Variants in NEUROD2 observed in about 807,000 individuals in gnomAD.
The protein encoded by NEUROD2 is neurogenic differentiation factor 2.
NEUROD2 carries 5 observed loss-of-function variants against 9.3 expected under a neutral mutation model. The observed-to-expected ratio is 0.54, with a 90% CI of 0.28 to 1.13. The LOEUF is 1.13. NEUROD2 is among the 50% of genes most tolerant of loss of function. NEUROD2 has a pLI of 0.10. For missense variants in NEUROD2, 376 were observed against 549.2 expected (o/e 0.68, Z 3.15); for synonymous variants, 277 against 257.3 (o/e 1.08, Z -0.73).
Position 39,606,521 on chromosome 17 carries a change from C to A in NEUROD2, c.79G>T (p.Asp27Tyr). 3.8e-6 allele frequency: 6 copies of A among 1,567,712 alleles called. No homozygotes were observed. The highest frequency in any genetic ancestry group is 5.1e-6 in the Non-Finnish European group (6 of 1,166,162). Reference sequence around the variant, plus strand: ...TCGCCCTTGTCGCTCCTCGGCTCGTCGTCTTCGCCGTCGCCCCAGCTGGCG... The same window carrying A: ...TCGCCCTTGTCGCTCCTCGGCTCGTAGTCTTCGCCGTCGCCCCAGCTGGCG... The part of the protein sequence containing the change: ...KFASWGDGED[D>Y]EPRSDKGDAP... Residue 27 changes from aspartate (D) to tyrosine (Y), a missense_variant, in exon 2 of 2, where the codon GAC (aspartate) becomes TAC (tyrosine). Transcript: ENST00000302584. The surrounding 1 kb of genome is among the most constrained non-coding windows in gnomAD (Gnocchi z 7.8).
Position 39,605,684 on chromosome 17 carries a change from T to C in NEUROD2, c.916A>G (p.Asn306Asp), listed in dbSNP as rs1228424375. 1 of 1,610,692 alleles carries C rather than the reference T, an allele frequency of 6.2e-7. No individual in the cohort carries two copies. Among genetic ancestry groups the C allele is most frequent in the Middle Eastern group, 1.7e-4 (1 of 6,056 alleles). ...TCCTGCTTGAGTGAGAAGTTGCCATTGAGACAGAGCGGGGGGCTGAGCGGG... is the reference window on the plus strand; with the variant it reads ...TCCTGCTTGAGTGAGAAGTTGCCATCGAGACAGAGCGGGGGGCTGAGCGGG... ...EGPLSPPLCL[N>D]GNFSLKQDSS... Residue 306 changes from asparagine to aspartate, a missense_variant, in exon 2 of 2, where the codon AAT becomes GAT. By Grantham distance (23) the Asn-to-Asp change is conservative (BLOSUM62 1). This residue lies in a region of NEUROD2 where 193 missense variants were observed against 255.8 expected (regional missense o/e 0.75). Transcript: ENST00000302584. This position sits in a 1 kb window ranked among gnomAD's most constrained non-coding sequence, Gnocchi z 6.8.
In NEUROD2 at chr17:39,605,376, G is replaced by A. The variant is rs1463337050; in HGVS notation, c.*75C>T. 2.8e-6 allele frequency: 4 copies of A among 1,453,596 alleles called. No individual in the cohort carries two copies. The African/African-American group carries it at 5.7e-5, about 21-fold the overall frequency. The allele number at this position is 1,453,596 out of a possible 1,614,324, so 90.0% of individuals were successfully genotyped here. A position where few individuals can be genotyped will look rare whatever the true frequency, so the allele number is the denominator to read the frequency against. The stretch of plus-strand genomic sequence containing the variant: ...CCCGGCGCCGGGGTAGGATGGGGGT[G>A]TCCCTGCGCTCTGGGGGCTGGGGAC... On this transcript the variant is annotated 3_prime_UTR_variant, in exon 2 of 2. Transcript: ENST00000302584. The surrounding 1 kb of genome is among the most constrained non-coding windows in gnomAD (Gnocchi z 6.8).
In NEUROD2 at chr17:39,605,253, TCCCCTGGGGGAAGCGAGG is replaced by T; in HGVS notation, c.*180_*197del. ...ACCCCTTGGGGAGAGAGAAGGCGAG[TCCCCTGGGGGAAGCGAGG>T]CCCCTGGGACAGGCCACCCACAGGT... is the stretch of plus-strand genomic sequence containing the variant. On this transcript the variant is annotated 3_prime_UTR_variant, in exon 2 of 2. Coordinates refer to ENST00000302584, the MANE Select transcript of NEUROD2 (RefSeq NM_006160.4). This position sits in a 1 kb window ranked among gnomAD's most constrained non-coding sequence, Gnocchi z 6.8. 2 of 580,734 alleles carry T rather than the reference TCCCCTGGGGGAAGCGAGG, an allele frequency of 3.4e-6. No individual in the cohort carries two copies. 36.0% of individuals were successfully genotyped at this position (580,734 alleles called of 1,614,324 possible).
In NEUROD2 at chr17:39,605,517, G is replaced by A. The variant is rs1448314704; in HGVS notation, c.1083C>T (p.Tyr361=). ...CCCGGTCGTGGTGAAGGTGCATATC[G>A]TAAGACAAGAGATTCTCCGAGTGGA... The part of the protein sequence containing the change: ...GGVHSENLLS[Y]DMHLHHDRGP... Residue 361 remains tyrosine (Y), a synonymous_variant, in exon 2 of 2, where the codon TAC becomes TAT. Transcript: ENST00000302584. This position sits in a 1 kb window ranked among gnomAD's most constrained non-coding sequence, Gnocchi z 6.8. 52 of 1,613,068 alleles carry A rather than the reference G, an allele frequency of 3.2e-5. No individual in the cohort carries two copies. The highest frequency in any genetic ancestry group is 4.2e-5 in the Non-Finnish European group (49 of 1,179,628).
chr17:39,606,242 T>C lies in NEUROD2; in HGVS notation c.358A>G (p.Lys120Glu). The C allele has an allele frequency of 6.2e-7, 1 of 1,611,232 alleles. No homozygotes were observed. The highest frequency in any genetic ancestry group is 8.5e-7 in the Non-Finnish European group (1 of 1,179,750). The change falls in exon 2 of 2, where the codon AAG (lysine) becomes GAG (glutamate). Residue 120 changes from lysine to glutamate, a missense_variant. Coordinates refer to ENST00000302584, the MANE Select transcript of NEUROD2 (RefSeq NM_006160.4). The surrounding 1 kb of genome is among the most constrained non-coding windows in gnomAD (Gnocchi z 7.8). The part of the protein sequence containing the change: ...KMTKARLERS[K>E]LRRQKANARE... Reference sequence around the variant, plus strand: ...GCGTTCGCCTTCTGCCGCCGAAGCTTGGAGCGCTCCAAGCGCGCCTTGGTC... The same window carrying C: ...GCGTTCGCCTTCTGCCGCCGAAGCTCGGAGCGCTCCAAGCGCGCCTTGGTC...
chr17:39,606,656 G>C lies in NEUROD2; in HGVS notation c.-5-52C>G. 1.4e-6 allele frequency: 2 copies of C among 1,455,072 alleles called. No homozygotes were observed. Among genetic ancestry groups the C allele is most frequent in the Non-Finnish European group, 1.8e-6 (2 of 1,107,988 alleles). The allele number at this position is 1,455,072 out of a possible 1,614,324, so 90.1% of individuals were successfully genotyped here. ...GGAGACAGACAGCACAAAGTGAGGG[G>C]CGCGCTGGGGTACCGACGCCCCCCC... On this transcript the variant is annotated intron_variant, in intron 1 of 1. Transcript: ENST00000302584. The surrounding 1 kb of genome is among the most constrained non-coding windows in gnomAD (Gnocchi z 7.8).
At position 39,606,809 on chromosome 17, in the gene NEUROD2, C is replaced by A; in HGVS notation, c.-5-205G>T. The A allele has an allele frequency of 1.9e-6, 1 of 522,344 alleles. No homozygotes were observed. Among genetic ancestry groups the A allele is most frequent in the Non-Finnish European group, 3.3e-6 (1 of 305,054 alleles). 32.4% of individuals were successfully genotyped at this position (522,344 alleles called of 1,614,324 possible). A position where few individuals can be genotyped will look rare whatever the true frequency, so the allele number is the denominator to read the frequency against. On this transcript the variant is annotated intron_variant, in intron 1 of 1. Transcript: ENST00000302584. This position sits in a 1 kb window ranked among gnomAD's most constrained non-coding sequence, Gnocchi z 7.8. ...CGGCTGCCGGCCTGGGATCTCGGCC[C>A]AGGCCCTCTCCCCGGCGCTGGGCCC...
chr17:39,607,388 C>T lies in NEUROD2; in HGVS notation c.-6+340G>A, dbSNP rs142654662. 1,147 of 156,258 alleles carry T rather than the reference C, an allele frequency of 7.3e-3. 8 individuals are homozygous for T. The highest frequency in any genetic ancestry group is 0.012 in the Non-Finnish European group (884 of 71,646). The allele number at this position is 156,258 out of a possible 1,614,324, so 9.7% of individuals were successfully genotyped here. A position where few individuals can be genotyped will look rare whatever the true frequency, so the allele number is the denominator to read the frequency against. ...TTTTGGGATTGATGGGGGAAAAATCCAAATTTGTTTGTTTGCTTCCCTTTT... is the reference window on the plus strand; with the variant it reads ...TTTTGGGATTGATGGGGGAAAAATCTAAATTTGTTTGTTTGCTTCCCTTTT... On this transcript the variant is annotated intron_variant, in intron 1 of 1. Coordinates refer to ENST00000302584, the MANE Select transcript of NEUROD2 (RefSeq NM_006160.4).
rs2144811908 is a variant in NEUROD2 at position 39,605,835 on chromosome 17, G to T, written c.765C>A (p.Gly255=). 1.5e-6 allele frequency: 2 copies of T among 1,371,384 alleles called. No homozygotes were observed. The highest frequency in any genetic ancestry group is 3.0e-5 in the East Asian group (1 of 32,824). The allele number at this position is 1,371,384 out of a possible 1,614,324, so 85.0% of individuals were successfully genotyped here. Reference sequence around the variant, plus strand: ...CGTGCGCCGCGCCGCCGCCCAGGCCGCCGGCCGCCTGGCACTGTGCGCCCG... The same window carrying T: ...CGTGCGCCGCGCCGCCGCCCAGGCCTCCGGCCGCCTGGCACTGTGCGCCCG... ...RLAGAQCQAA[G]GLGGGAAHAL... The change falls in exon 2 of 2, where the codon GGC becomes GGA. Residue 255 remains glycine, a synonymous_variant. Transcript: ENST00000302584. The surrounding 1 kb of genome is among the most constrained non-coding windows in gnomAD (Gnocchi z 6.8).
At position 39,606,521 on chromosome 17, in the gene NEUROD2, C is replaced by G; in HGVS notation, c.79G>C (p.Asp27His). ...KFASWGDGEDDEPRSDKGDAP... is the reference protein window; with the variant it reads ...KFASWGDGEDHEPRSDKGDAP... ...TCGCCCTTGTCGCTCCTCGGCTCGT[C>G]GTCTTCGCCGTCGCCCCAGCTGGCG... The change falls in exon 2 of 2, where the codon GAC (aspartate) becomes CAC (histidine). Residue 27 changes from aspartate to histidine, a missense_variant. Asp to His is a moderately conservative substitution (Grantham distance 81). Transcript: ENST00000302584. The surrounding 1 kb of genome is among the most constrained non-coding windows in gnomAD (Gnocchi z 7.8). 1 of 1,567,712 alleles carries G rather than the reference C, an allele frequency of 6.4e-7. No homozygotes were observed. The highest frequency in any genetic ancestry group is 8.6e-7 in the Non-Finnish European group (1 of 1,166,162).
Position 39,606,253 on chromosome 17 carries a change from A to G in NEUROD2, c.347T>C (p.Leu116Ser). 6.2e-7 allele frequency: 1 copy of G among 1,610,710 alleles called. No homozygotes were observed. The highest frequency in any genetic ancestry group is 1.1e-5 in the South Asian group (1 of 90,942). Residue 116 changes from leucine to serine, a missense_variant, in exon 2 of 2, where the codon TTG becomes TCG. Leu to Ser is a moderately radical substitution (Grantham distance 145). Around this residue, in one of 3 missense-constraint regions of NEUROD2, gnomAD observed 49 missense variants for 159.8 expected, o/e 0.31. Coordinates refer to ENST00000302584, the MANE Select transcript of NEUROD2 (RefSeq NM_006160.4). This position sits in a 1 kb window ranked among gnomAD's most constrained non-coding sequence, Gnocchi z 7.8. ...PKKRKMTKAR[L>S]ERSKLRRQKA... is the part of the protein sequence containing the mutation. ...CTGCCGCCGAAGCTTGGAGCGCTCCAAGCGCGCCTTGGTCATCTTGCGCTT... is the reference window on the plus strand; with the variant it reads ...CTGCCGCCGAAGCTTGGAGCGCTCCGAGCGCGCCTTGGTCATCTTGCGCTT...
rs2056762910 is a variant in NEUROD2, at chr17:39,605,345, C to T, written c.*106G>A. ...GAGCGGCAGGACCGGTGGCCCGCTC[C>T]CCGCGCCCGGCGCCGGGGTAGGATG... On this transcript the variant is annotated 3_prime_UTR_variant, in exon 2 of 2. Coordinates refer to ENST00000302584, the MANE Select transcript of NEUROD2 (RefSeq NM_006160.4). The surrounding 1 kb of genome is among the most constrained non-coding windows in gnomAD (Gnocchi z 6.8). 2 of 1,410,348 alleles carry T rather than the reference C, an allele frequency of 1.4e-6. No homozygotes were observed. Among genetic ancestry groups the T allele is most frequent in the South Asian group, 3.0e-5 (2 of 66,554 alleles). 87.4% of individuals were successfully genotyped at this position (1,410,348 alleles called of 1,614,324 possible).
At chr17:39,607,622 G>A in intron 1 of NEUROD2, 106 bp downstream of exon 1, 2 of 985,138 alleles carry the variant, frequency 2.0e-6, no homozygotes, top group Non-Finnish European at 2.4e-6. Flanking sequence ...CAATGAGGGG[G>A]GCATCATCCC....
chr17:39,607,602 G>A (rs1268384719), intron 1 of NEUROD2, 126 bp downstream of exon 1: 1 of 984,944 alleles, frequency 1.0e-6, no homozygotes, highest in East Asian at 1.1e-4. Context: ...GGGCCCCTCC[G>A]ATGCCCACCC....
Position 39,605,984 on chromosome 17 carries a change from C to A in NEUROD2, c.616G>T (p.Gly206Cys). Residue 206 changes from glycine (G) to cysteine (C), a missense_variant, in exon 2 of 2, where the codon GGC becomes TGC. Physicochemically the swap from Gly to Cys is radical, Grantham distance 159. Around this residue, in one of 3 missense-constraint regions of NEUROD2, gnomAD observed 49 missense variants for 159.8 expected, o/e 0.31. Transcript: ENST00000302584. The surrounding 1 kb of genome is among the most constrained non-coding windows in gnomAD (Gnocchi z 6.8). ...TTGCGAGAGTTGAGCTGCAGACAGC[C>A]GGCCACCAGATTGGTGGTGGGCTGC... ...LSQPTTNLVAGCLQLNSRNFL... is the reference protein window; with the variant it reads ...LSQPTTNLVACCLQLNSRNFL... 1 of 1,613,858 alleles carries A rather than the reference C, an allele frequency of 6.2e-7. No homozygotes were observed. Among genetic ancestry groups the A allele is most frequent in the Non-Finnish European group, 8.5e-7 (1 of 1,179,972 alleles).
rs2056762495 is a variant in NEUROD2, at chr17:39,605,258, T to TG, written c.*192dup. 3 of 634,830 alleles carry TG rather than the reference T, an allele frequency of 4.7e-6. No homozygotes were observed. The highest frequency in any genetic ancestry group is 7.7e-6 in the Non-Finnish European group (3 of 388,896). The allele number at this position is 634,830 out of a possible 1,614,324, so 39.3% of individuals were successfully genotyped here. Reference sequence around the variant, plus strand: ...TTGGGGAGAGAGAAGGCGAGTCCCCTGGGGGAAGCGAGGCCCCTGGGACAG... The same window carrying TG: ...TTGGGGAGAGAGAAGGCGAGTCCCCTGGGGGGAAGCGAGGCCCCTGGGACAG... On this transcript the variant is annotated 3_prime_UTR_variant, in exon 2 of 2. Coordinates refer to ENST00000302584, the MANE Select transcript of NEUROD2 (RefSeq NM_006160.4). This position sits in a 1 kb window ranked among gnomAD's most constrained non-coding sequence, Gnocchi z 6.8.
Position 39,605,841 on chromosome 17 carries a change from C to T in NEUROD2, c.759G>A (p.Ala253=). 1 of 1,368,624 alleles carries T rather than the reference C, an allele frequency of 7.3e-7. No homozygotes were observed. Among genetic ancestry groups the T allele is most frequent in the Non-Finnish European group, 9.4e-7 (1 of 1,067,008 alleles). 84.8% of individuals were successfully genotyped at this position (1,368,624 alleles called of 1,614,324 possible). The part of the protein sequence containing the change: ...CSRLAGAQCQ[A]AGGLGGGAAH... The stretch of plus-strand genomic sequence containing the variant: ...CCGCGCCGCCGCCCAGGCCGCCGGC[C>T]GCCTGGCACTGTGCGCCCGCCAGGC... Residue 253 remains alanine, a synonymous_variant, in exon 2 of 2, where the codon GCG becomes GCA. Coordinates refer to ENST00000302584, the MANE Select transcript of NEUROD2 (RefSeq NM_006160.4). This position sits in a 1 kb window ranked among gnomAD's most constrained non-coding sequence, Gnocchi z 6.8.
chr17:39,604,174 TCCCCA>T lies in NEUROD2; in HGVS notation c.*1272_*1276del, dbSNP rs1454941033. ...GGGTGGGGCTGCCCCCAGGTCTCCA[TCCCCA>T]CCCCTCACCCCAGGAGGGGACAGAA... On this transcript the variant is annotated 3_prime_UTR_variant, in exon 2 of 2. Coordinates refer to ENST00000302584, the MANE Select transcript of NEUROD2 (RefSeq NM_006160.4). The T allele has an allele frequency of 6.6e-6, 1 of 151,634 alleles. No individual in the cohort carries two copies. Among genetic ancestry groups the T allele is most frequent in the Non-Finnish European group, 1.5e-5 (1 of 67,808 alleles). 9.4% of individuals were successfully genotyped at this position (151,634 alleles called of 1,614,324 possible). A position where few individuals can be genotyped will look rare whatever the true frequency, so the allele number is the denominator to read the frequency against.
In NEUROD2 at chr17:39,604,793, T is replaced by G. The variant is rs2056759979; in HGVS notation, c.*658A>C. On this transcript the variant is annotated 3_prime_UTR_variant, in exon 2 of 2. Coordinates refer to ENST00000302584, the MANE Select transcript of NEUROD2 (RefSeq NM_006160.4). ...TTTTTTTTTTTTTTTTTTTTTTTTT[T>G]TTGTATGTTTGTTTGTTTAAAAAAA... is the stretch of plus-strand genomic sequence containing the variant. The G allele has an allele frequency of 1.4e-5, 2 of 140,720 alleles. No homozygotes were observed. Among genetic ancestry groups the G allele is most frequent in the African/African-American group, 2.6e-5 (1 of 38,140 alleles). 8.7% of individuals were successfully genotyped at this position (140,720 alleles called of 1,614,324 possible).
Sources: allele counts gnomAD v4.1 joint callset, GRCh38; gene constraint gnomAD v4.1.1; regional missense constraint gnomAD v4.1.1; non-coding constraint Gnocchi (gnomAD v3.1); transcripts MANE v1.5; gene names NCBI Gene and HGNC (gene_info 2026-07-23, HGNC 2026-07-21).